Variants in TMEM106B observed in about 807,000 individuals in gnomAD.
The protein encoded by TMEM106B is transmembrane protein 106B.
Under a neutral mutation model 31.1 loss-of-function variants are expected in TMEM106B, and 15 were observed. The ratio of observed to expected loss-of-function variants is 0.48; its 90% confidence interval spans 0.32 to 0.74. TMEM106B has a LOEUF of 0.74. Among genes scored for constraint, TMEM106B ranks in the 30% least tolerant of loss-of-function variants. The pLI, the probability that TMEM106B is intolerant of heterozygous loss-of-function variation, is 0.03. For missense variants in TMEM106B, 283 were observed against 327.3 expected (o/e 0.86, Z 1.04); for synonymous variants, 126 against 112.5 (o/e 1.12, Z -0.76).
chr7:12,226,777 A>G (rs954381328), intron 4 of TMEM106B, among the ~76,000 whole-genome samples: 15 of 152,198 alleles, frequency 9.9e-5, no homozygotes, highest in African/African-American at 3.1e-4. Context: ...TTTAAAAACA[A>G]CAATATAGGA....
At chr7:12,218,783 A>C (rs1290642237) in intron 3 of TMEM106B, among the ~76,000 whole-genome samples, 1 of 152,106 alleles carries the variant, frequency 6.6e-6, no homozygotes, top group Non-Finnish European at 1.5e-5. Flanking sequence ...ACACACACAC[A>C]CATAAAATTT....
At position 12,224,208 on chromosome 7, in the gene TMEM106B, C is replaced by T. The variant is rs767854928; in HGVS notation, c.282-18C>T. 1.9e-6 allele frequency: 3 copies of T among 1,603,656 alleles called. No homozygotes were observed. The highest frequency in any genetic ancestry group is 2.6e-6 in the Non-Finnish European group (3 of 1,172,802). The stretch of plus-strand genomic sequence containing the variant: ...TTTCTGATGCACATGTACTTAAATA[C>T]CCTCTTTTCCTTTTCAGAAAGCTGT... On this transcript the variant is annotated intron_variant, in intron 3 of 7. Transcript: ENST00000396668.
At position 12,243,164 on chromosome 7, in the gene TMEM106B, G is replaced by A. The variant is rs527774897; in HGVS notation, c.*11189G>A. Reference sequence around the variant, plus strand: ...GTGGCATTGTCACATGATTCAAGAAGAGGAGGCCATTACATTACTGTTGTA... The same window carrying A: ...GTGGCATTGTCACATGATTCAAGAAAAGGAGGCCATTACATTACTGTTGTA... On this transcript the variant is annotated 3_prime_UTR_variant, in exon 8 of 8. Transcript: ENST00000396668. The A allele has an allele frequency of 9.2e-5, 14 of 152,140 alleles. No homozygotes were observed. The highest frequency in any genetic ancestry group is 2.1e-4 in the South Asian group (1 of 4,830). 9.4% of individuals were successfully genotyped at this position (152,140 alleles called of 1,614,324 possible). A position where few individuals can be genotyped will look rare whatever the true frequency, so the allele number is the denominator to read the frequency against.
chr7:12,231,107 C>G lies in TMEM106B; in HGVS notation c.678C>G (p.Leu226=), dbSNP rs777456785. 2.5e-6 allele frequency: 4 copies of G among 1,599,716 alleles called. No individual in the cohort carries two copies. Among genetic ancestry groups the G allele is most frequent in the Non-Finnish European group, 2.6e-6 (3 of 1,172,632 alleles). The part of the protein sequence containing the change: ...LISIKVHNIV[L]MMQVTVTTTY... The stretch of plus-strand genomic sequence containing the variant: ...CCATCAAAGTGCATAACATAGTACT[C>G]ATGATGCAGTAAGTACAAATCTTTT... The change falls in exon 7 of 8, where the codon CTC becomes CTG. Residue 226 remains leucine, a synonymous_variant. Transcript: ENST00000396668.
intron 1 of TMEM106B, 165 bp downstream of exon 1, chr7:12,211,590 C>T (rs1205836195): frequency 6.6e-6 from 1 of 152,442 alleles, no homozygotes; most frequent in Non-Finnish European, 1.5e-5. Context: ...GCTGTGTCGC[C>T]TCTAATGAGG....
intron 1 of TMEM106B, chr7:12,214,436 T>G (rs1781645145): frequency 6.2e-6 from 1 of 160,704 alleles, no homozygotes; most frequent in South Asian, 1.9e-4. Flanking sequence ...TAGGAAATCT[T>G]TAAATCCACC....
intron 4 of TMEM106B, among the ~76,000 whole-genome samples, chr7:12,228,514 ATTCT>A (rs1781950763): frequency 2.0e-5 from 3 of 151,808 alleles, no homozygotes; most frequent in Non-Finnish European, 4.4e-5. Flanking sequence ...AATATAATTT[ATTCT>A]TTCTTTTTAT....
Position 12,235,504 on chromosome 7 carries a change from C to T in TMEM106B, c.*3529C>T, listed in dbSNP as rs887168582. On this transcript the variant is annotated 3_prime_UTR_variant, in exon 8 of 8. Coordinates refer to ENST00000396668, the MANE Select transcript of TMEM106B (RefSeq NM_001134232.2). The stretch of plus-strand genomic sequence containing the variant: ...CTGATTTACAGTTTGGAAAGGACAC[C>T]GCAATGTTCAAATAGGTAGGAGACC... 1 of 151,580 alleles carries T rather than the reference C, an allele frequency of 6.6e-6. No individual in the cohort carries two copies. The highest frequency in any genetic ancestry group is 1.5e-5 in the Non-Finnish European group (1 of 67,750). The allele number at this position is 151,580 out of a possible 1,614,324, so 9.4% of individuals were successfully genotyped here.
intron 2 of TMEM106B, chr7:12,215,885 G>C (rs6460902): frequency 6.2e-6 from 1 of 161,694 alleles, no homozygotes; most frequent in African/African-American, 2.4e-5. Flanking sequence ...ATAATCCCCT[G>C]TGTGCTGCTT....
At position 12,224,209 on chromosome 7, in the gene TMEM106B, C is replaced by G. The variant is rs755722260; in HGVS notation, c.282-17C>G. On this transcript the variant is annotated splice_polypyrimidine_tract_variant and intron_variant, in intron 3 of 7. Coordinates refer to ENST00000396668, the MANE Select transcript of TMEM106B (RefSeq NM_001134232.2). ...TTCTGATGCACATGTACTTAAATACCCTCTTTTCCTTTTCAGAAAGCTGTA... is the reference window on the plus strand; with the variant it reads ...TTCTGATGCACATGTACTTAAATACGCTCTTTTCCTTTTCAGAAAGCTGTA... 6 of 1,601,400 alleles carry G rather than the reference C, an allele frequency of 3.7e-6. No individual in the cohort carries two copies. The highest frequency in any genetic ancestry group is 5.1e-6 in the Non-Finnish European group (6 of 1,171,440).
Position 12,214,790 on chromosome 7 carries a change from G to A in TMEM106B, c.-2-19G>A. 1 of 1,573,898 alleles carries A rather than the reference G, an allele frequency of 6.4e-7. No homozygotes were observed. The highest frequency in any genetic ancestry group is 8.6e-7 in the Non-Finnish European group (1 of 1,159,648). ...CTTTTTTCCCTGAAGTTTACTGTAA[G>A]ATTTTTATTTTTCTTTAGACATGGG... On this transcript the variant is annotated intron_variant, in intron 1 of 7. Transcript: ENST00000396668.
chr7:12,214,550 C>T (rs1251593803), intron 1 of TMEM106B, among the ~76,000 whole-genome samples: 2 of 152,148 alleles, frequency 1.3e-5, no homozygotes, highest in Non-Finnish European at 2.9e-5. Context: ...TTGATTTATG[C>T]CTCTGCCTGT....
Position 12,239,684 on chromosome 7 carries a change from G to A in TMEM106B, c.*7709G>A, listed in dbSNP as rs183100343. On this transcript the variant is annotated 3_prime_UTR_variant, in exon 8 of 8. Transcript: ENST00000396668. ...ATTGGCCTAATTTCAATGTTATTTT[G>A]TCTCAAGGAGAGAGGGATGTGGGAA... 1.3e-4 allele frequency: 20 copies of A among 152,138 alleles called. No homozygotes were observed. Among genetic ancestry groups the A allele is most frequent in the African/African-American group, 4.8e-4 (20 of 41,520 alleles). The allele number at this position is 152,138 out of a possible 1,614,324, so 9.4% of individuals were successfully genotyped here.
rs928129743 is a variant in TMEM106B at position 12,239,403 on chromosome 7, C to A, written c.*7428C>A. On this transcript the variant is annotated 3_prime_UTR_variant, in exon 8 of 8. Transcript: ENST00000396668. ...CAATAAGGCTGTTTGATTTTCTTATCATTCATGTTTTCTGGAACACTTTTC... is the reference window on the plus strand; with the variant it reads ...CAATAAGGCTGTTTGATTTTCTTATAATTCATGTTTTCTGGAACACTTTTC... 9 of 152,066 alleles carry A rather than the reference C, an allele frequency of 5.9e-5. No individual in the cohort carries two copies. Among genetic ancestry groups the A allele is most frequent in the African/African-American group, 2.2e-4 (9 of 41,428 alleles). The allele number at this position is 152,066 out of a possible 1,614,324, so 9.4% of individuals were successfully genotyped here. A position where few individuals can be genotyped will look rare whatever the true frequency, so the allele number is the denominator to read the frequency against.
rs1341108381 is a variant in TMEM106B at position 12,238,624 on chromosome 7, AT to A, written c.*6652del. ...TTATATAGTAAGATTCAAAAGTCAA[AT>A]TTACTCCCTGATCCATGGCTGCAGA... On this transcript the variant is annotated 3_prime_UTR_variant, in exon 8 of 8. Transcript: ENST00000396668. 2 of 152,188 alleles carry A rather than the reference AT, an allele frequency of 1.3e-5. No individual in the cohort carries two copies. Among genetic ancestry groups the A allele is most frequent in the African/African-American group, 4.8e-5 (2 of 41,436 alleles). 9.4% of individuals were successfully genotyped at this position (152,188 alleles called of 1,614,324 possible).
rs1268929503 is a variant in TMEM106B at position 12,231,968 on chromosome 7, A to G, written c.818A>G (p.Gln273Arg). Residue 273 changes from glutamine to arginine, a missense_variant, in exon 8 of 8, where the codon CAA (glutamine) becomes CGA (arginine). By Grantham distance (43) the Gln-to-Arg change is conservative. Coordinates refer to ENST00000396668, the MANE Select transcript of TMEM106B (RefSeq NM_001134232.2). ...GAATATTTAAATGTACTTCAGCCAC[A>G]ACAGTAAAAACTGGAAGAGATGGAT... is the stretch of plus-strand genomic sequence containing the variant. The part of the protein sequence containing the change: ...QSEYLNVLQP[Q>R]Q 1 of 1,610,484 alleles carries G rather than the reference A, an allele frequency of 6.2e-7. No homozygotes were observed. The highest frequency in any genetic ancestry group is 1.3e-5 in the African/African-American group (1 of 74,818).
intron 2 of TMEM106B, 79 bp downstream of exon 2, chr7:12,215,106 A>G: frequency 8.0e-7 from 1 of 1,244,088 alleles, no homozygotes. Flanking sequence ...GGGTCTCAGG[A>G]ACCACCTGTT....
rs1196396768 is a variant in TMEM106B, at chr7:12,241,896, T to A, written c.*9921T>A. 1 of 152,182 alleles carries A rather than the reference T, an allele frequency of 6.6e-6. No homozygotes were observed. Among genetic ancestry groups the A allele is most frequent in the Non-Finnish European group, 1.5e-5 (1 of 68,028 alleles). The allele number at this position is 152,182 out of a possible 1,614,324, so 9.4% of individuals were successfully genotyped here. On this transcript the variant is annotated 3_prime_UTR_variant, in exon 8 of 8. Transcript: ENST00000396668. Reference sequence around the variant, plus strand: ...TGTAAAAGCTTCCTATTTCTCTACATTCTCTCCAGCATCTGTTGTTTCCTG... The same window carrying A: ...TGTAAAAGCTTCCTATTTCTCTACAATCTCTCCAGCATCTGTTGTTTCCTG...
Position 12,239,571 on chromosome 7 carries a change from T to G in TMEM106B, c.*7596T>G, listed in dbSNP as rs1442160859. The G allele has an allele frequency of 6.6e-6, 1 of 152,108 alleles. No homozygotes were observed. Among genetic ancestry groups the G allele is most frequent in the African/African-American group, 2.4e-5 (1 of 41,424 alleles). 9.4% of individuals were successfully genotyped at this position (152,108 alleles called of 1,614,324 possible). A position where few individuals can be genotyped will look rare whatever the true frequency, so the allele number is the denominator to read the frequency against. On this transcript the variant is annotated 3_prime_UTR_variant, in exon 8 of 8. Transcript: ENST00000396668. ...TGGTGAGAAATGCTTGATTACTAGG[T>G]GTAATTATTTCTAGCTTTTGATTGA...
Sources: gnomAD v4.1 joint callset for allele counts (sites outside exome capture counted in the v4.1 genomes callset) on GRCh38, gnomAD v4.1.1 for gene constraint, MANE v1.5 for transcripts, NCBI Gene and HGNC (gene_info 2026-07-23, HGNC 2026-07-21) for gene names.